The following SH3BP2 variants were observed in gnomAD, a reference collection of about 807,000 sequenced individuals.
SH3BP2 encodes SH3 domain-binding protein 2.
In SH3BP2, 38 loss-of-function variants were observed where a neutral mutation model predicts 56.2. The observed-to-expected ratio is 0.68, with a 90% CI of 0.52 to 0.89. The LOEUF (loss-of-function observed/expected upper bound fraction) is 0.89, where lower values mean the gene tolerates loss of function less well. SH3BP2 is among the 40% of genes least tolerant of loss of function. The pLI is 0.00. For missense variants in SH3BP2, 748 were observed against 762.6 expected, an observed-to-expected ratio of 0.98 and a Z score of 0.23; for synonymous variants, 346 against 316.7, an observed-to-expected ratio of 1.09 and a Z score of -0.98.
chr4:2,823,846 G>A (rs2108729603), intron 3 of SH3BP2, among the ~76,000 whole-genome samples: 1 of 152,364 alleles, frequency 6.6e-6, no homozygotes, highest in African/African-American at 2.4e-5. Context: ...CTGGCCACAG[G>A]CCTGGTAGGG....
At position 2,835,108 on chromosome 4, in the gene SH3BP2, C is replaced by T. The variant is rs534852933; in HGVS notation, c.*1274C>T. On this transcript the variant is annotated 3_prime_UTR_variant, in exon 13 of 13. Transcript: ENST00000503393. Reference sequence around the variant, plus strand: ...TGAAACAGACTCAGGGAGGTAGGGGCTGGCAGGGACCCTAGAATCCTTGTG... The same window carrying T: ...TGAAACAGACTCAGGGAGGTAGGGGTTGGCAGGGACCCTAGAATCCTTGTG... 2 of 152,332 alleles carry T rather than the reference C, an allele frequency of 1.3e-5. No homozygotes were observed. Among genetic ancestry groups the T allele is most frequent in the East Asian group, 3.9e-4 (2 of 5,194 alleles). The allele number at this position is 152,332 out of a possible 1,614,324, so 9.4% of individuals were successfully genotyped here. A position where few individuals can be genotyped will look rare whatever the true frequency, so the allele number is the denominator to read the frequency against.
At chr4:2,832,120 C>A in intron 10 of SH3BP2, 142 bp downstream of exon 10, 1 of 1,003,282 alleles carries the variant, frequency 1.0e-6, no homozygotes, top group Non-Finnish European at 1.5e-6. Flanking sequence ...AGGAGTGGAC[C>A]TCCCTGCTCT....
At position 2,830,004 on chromosome 4, in the gene SH3BP2, C is replaced by T. The variant is rs751722349; in HGVS notation, c.1098C>T (p.Asp366=). The T allele has an allele frequency of 1.4e-5, 22 of 1,612,928 alleles. No individual in the cohort carries two copies. The highest frequency in any genetic ancestry group is 1.7e-5 in the Admixed American group (1 of 60,016). The change falls in exon 8 of 13, where the codon GAC becomes GAT. Residue 366 remains aspartate (D), a synonymous_variant. Transcript: ENST00000503393. ...KPKFLKIAEE[D]PPREAAMPGL... is the part of the protein sequence containing the mutation. ...AGTTCCTGAAGATAGCTGAAGAGGA[C>T]CCCCCAAGGGAGGCAGCCATGCCCG...
intron 12 of SH3BP2, 89 bp downstream of exon 12, chr4:2,833,138 G>A: frequency 8.3e-7 from 1 of 1,202,056 alleles, no homozygotes; most frequent in Non-Finnish European, 1.2e-6. Context: ...ATAGGCAGCG[G>A]GTAGACTGAG....
At chr4:2,832,555 G>A (rs985329482) in intron 11 of SH3BP2, 143 bp downstream of exon 11, 2 of 737,160 alleles carry the variant, frequency 2.7e-6, no homozygotes, top group African/African-American at 3.5e-5. Flanking sequence ...CTTCCCAGCA[G>A]CACCCCCCAA....
intron 1 of SH3BP2, among the ~76,000 whole-genome samples, chr4:2,802,555 T>A (rs969967741): frequency 2.8e-5 from 4 of 140,874 alleles, no homozygotes; most frequent in Non-Finnish European, 4.5e-5. Context: ...TATATATATG[T>A]GTATATATGT....
intron 1 of SH3BP2, chr4:2,818,877 C>T: frequency 1.0e-6 from 1 of 985,672 alleles, no homozygotes; most frequent in Non-Finnish European, 1.2e-6. Flanking sequence ...CTTCCTCTTG[C>T]ACTTTTGTTG....
chr4:2,803,610 A>C (rs140208842), intron 1 of SH3BP2, among the ~76,000 whole-genome samples: 288 of 152,274 alleles, frequency 1.9e-3, no homozygotes, highest in Non-Finnish European at 3.4e-3. Flanking sequence ...AGCTCATCCC[A>C]GGGAAGGTCT....
rs755752309 is a variant in SH3BP2, at chr4:2,823,425, G to T, written c.239+388G>T. ...CCAGACCCCAGCCAGCCCAGGCCCTGTCCCAAACAGAGGCTGGGCCCTAGG... is the reference window on the plus strand; with the variant it reads ...CCAGACCCCAGCCAGCCCAGGCCCTTTCCCAAACAGAGGCTGGGCCCTAGG... On this transcript the variant is annotated intron_variant, in intron 3 of 12. Transcript: ENST00000503393. 13 of 461,872 alleles carry T rather than the reference G, an allele frequency of 2.8e-5. No homozygotes were observed. The Middle Eastern group carries it at 3.6e-3, about 126-fold the overall frequency. 28.6% of individuals were successfully genotyped at this position (461,872 alleles called of 1,614,324 possible). A position where few individuals can be genotyped will look rare whatever the true frequency, so the allele number is the denominator to read the frequency against.
chr4:2,806,773 C>G (rs1402782597), intron 1 of SH3BP2, among the ~76,000 whole-genome samples: 1 of 152,240 alleles, frequency 6.6e-6, no homozygotes, highest in Admixed American at 6.5e-5. Context: ...GACTCCCATG[C>G]CCATCTCAAG....
At chr4:2,812,261 G>T (rs1723778788) in intron 1 of SH3BP2, 1 of 1,537,208 alleles carries the variant, frequency 6.5e-7, no homozygotes, top group South Asian at 1.2e-5. Context: ...AGTCCCGGGT[G>T]GGGAGGAAGC....
At chr4:2,801,289 G>A (rs1446031546) in intron 1 of SH3BP2, among the ~76,000 whole-genome samples, 1 of 152,178 alleles carries the variant, frequency 6.6e-6, no homozygotes, top group Non-Finnish European at 1.5e-5. Context: ...GCCCCCTCTG[G>A]GCCACGCTGA....
intron 1 of SH3BP2, among the ~76,000 whole-genome samples, chr4:2,797,865 G>A (rs981107961): frequency 2.0e-5 from 3 of 152,320 alleles, no homozygotes; most frequent in South Asian, 2.1e-4. Flanking sequence ...GGCAACGGGC[G>A]GGCTGTGCCA....
intron 3 of SH3BP2, among the ~76,000 whole-genome samples, chr4:2,823,808 G>T (rs1007790094): frequency 1.3e-5 from 2 of 152,236 alleles, no homozygotes; most frequent in African/African-American, 4.8e-5. Flanking sequence ...TGGGACCTTT[G>T]GAGTGACTCT....
intron 1 of SH3BP2, among the ~76,000 whole-genome samples, chr4:2,814,518 A>G (rs1255174816): frequency 2.6e-5 from 4 of 152,074 alleles, no homozygotes; most frequent in South Asian, 2.1e-4. Context: ...ACACACACGC[A>G]CACACGCACA....
chr4:2,801,154 C>A (rs568532648), intron 1 of SH3BP2, among the ~76,000 whole-genome samples: 1 of 152,190 alleles, frequency 6.6e-6, no homozygotes, highest in Non-Finnish European at 1.5e-5. Context: ...AGAGAGGCTG[C>A]GGCAGAGGCT....
intron 1 of SH3BP2, among the ~76,000 whole-genome samples, chr4:2,807,012 G>T (rs1007292104): frequency 3.3e-5 from 5 of 152,228 alleles, no homozygotes; most frequent in Non-Finnish European, 7.3e-5. Flanking sequence ...CACAGCAGTG[G>T]CCTGACCGTC....
intron 1 of SH3BP2, chr4:2,799,144 G>A (rs1723157394): frequency 1.0e-6 from 1 of 985,688 alleles, no homozygotes; most frequent in Non-Finnish European, 1.2e-6. Context: ...CTGTACCCCT[G>A]CTGGCTGCCT....
rs143739044 is a variant in SH3BP2 at position 2,811,322 on chromosome 4, A to G, written c.-4-9292A>G. Among the ~76,000 whole-genome samples the G allele has an allele frequency of 6.3e-3, 959 of 152,326 alleles. 15 individuals are homozygous for G. Among genetic ancestry groups the G allele is most frequent in the African/African-American group, 0.022 (911 of 41,568 alleles). On this transcript the variant is annotated intron_variant, in intron 1 of 12. Coordinates refer to ENST00000503393, the MANE Select transcript of SH3BP2 (RefSeq NM_001122681.2). ...CCGTGCCCTAGGAAGCCTGGCGGGCAAGATGAGACCCCTGCAGCTTTGTGG... is the reference window on the plus strand; with the variant it reads ...CCGTGCCCTAGGAAGCCTGGCGGGCGAGATGAGACCCCTGCAGCTTTGTGG...
Sources: allele counts gnomAD v4.1 joint callset (sites outside exome capture counted in the v4.1 genomes callset), GRCh38; gene constraint gnomAD v4.1.1; transcripts MANE v1.5; gene names NCBI Gene and HGNC (gene_info 2026-07-23, HGNC 2026-07-21).